NOS1: variants seen among roughly 807,000 people sequenced by gnomAD.
NOS1 encodes the protein NOS type I.
NOS1 carries 51 observed loss-of-function variants against 164.5 expected under a neutral mutation model. The ratio of observed to expected loss-of-function variants is 0.31; its 90% confidence interval spans 0.25 to 0.39. The LOEUF (loss-of-function observed/expected upper bound fraction) is 0.39, where lower values mean the gene tolerates loss of function less well. Ranked by LOEUF, NOS1 falls within the 10% of genes least tolerant of loss-of-function variation. The pLI is 1.00. For missense variants in NOS1, 1,362 were observed against 1,885.6 expected (o/e 0.72, Z 5.14); for synonymous variants, 719 against 745.8 (o/e 0.96, Z 0.59).
In NOS1 at chr12:117,243,482, T is replaced by C. The variant is rs773729969; in HGVS notation, c.2824-47A>G. The C allele has an allele frequency of 2.5e-6, 4 of 1,604,868 alleles. No homozygotes were observed. In the South Asian group the frequency reaches 4.5e-5, roughly 18 times the overall value. On this transcript the variant is annotated intron_variant, in intron 18 of 28. Coordinates refer to ENST00000317775, the MANE Select transcript of NOS1 (RefSeq NM_000620.5). This position sits in a 1 kb window ranked among gnomAD's most constrained non-coding sequence, Gnocchi z 4.3. Reference sequence around the variant, plus strand: ...CAGTGACCTCTTTCAGCCAAGCGGATCTCCTCTCCAACAGCTCCAAGTCAT... The same window carrying C: ...CAGTGACCTCTTTCAGCCAAGCGGACCTCCTCTCCAACAGCTCCAAGTCAT...
chr12:117,247,383 C>G lies in NOS1; in HGVS notation c.2788G>C (p.Glu930Gln), dbSNP rs1381579506. The G allele has an allele frequency of 1.9e-6, 3 of 1,608,056 alleles. No individual in the cohort carries two copies. The highest frequency in any genetic ancestry group is 2.5e-6 in the Non-Finnish European group (3 of 1,177,676). Residue 930 changes from glutamate (E) to glutamine (Q), a missense_variant, in exon 18 of 29, where the codon GAG (glutamate) becomes CAG (glutamine). Coordinates refer to ENST00000317775, the MANE Select transcript of NOS1 (RefSeq NM_000620.5). The stretch of plus-strand genomic sequence containing the variant: ...TTCTTGGCCCAGGTCCTGAAAGCCT[C>G]TTCCTGCCCACAGAGCTCATCCCCT... ...REGDELCGQE[E>Q]AFRTWAKKVF...
chr12:117,280,931 C>T, intron 7 of NOS1, 65 bp from the exon 8 acceptor site: 1 of 1,563,136 alleles, frequency 6.4e-7, no homozygotes, highest in Admixed American at 1.7e-5. Flanking sequence ...ACATACTAAA[C>T]ATGGCGCCAC....
At chr12:117,279,647 C>T (rs1873469347) in intron 8 of NOS1, among the ~76,000 whole-genome samples, 1 of 152,144 alleles carries the variant, frequency 6.6e-6, no homozygotes, top group Non-Finnish European at 1.5e-5. Context: ...AGAACATGTC[C>T]CGCTCAGCAA....
At position 117,212,475 on chromosome 12, in the gene NOS1, C is replaced by T; in HGVS notation, c.*2834G>A. On this transcript the variant is annotated 3_prime_UTR_variant, in exon 29 of 29. Coordinates refer to ENST00000317775, the MANE Select transcript of NOS1 (RefSeq NM_000620.5). Reference sequence around the variant, plus strand: ...CTCCTCCCAAGGAGTTTAACATCATCTCTCTGCTCTTTCACGACACAAGCT... The same window carrying T: ...CTCCTCCCAAGGAGTTTAACATCATTTCTCTGCTCTTTCACGACACAAGCT... 7.1e-6 allele frequency: 7 copies of T among 985,414 alleles called. No homozygotes were observed. The highest frequency in any genetic ancestry group is 8.4e-6 in the Non-Finnish European group (7 of 829,934). The allele number at this position is 985,414 out of a possible 1,614,324, so 61.0% of individuals were successfully genotyped here.
intron 1 of NOS1, among the ~76,000 whole-genome samples, chr12:117,337,862 T>C: frequency 6.6e-6 from 1 of 152,072 alleles, no homozygotes. Context: ...GCAGATTGCT[T>C]GAGGCCAGGA....
intron 2 of NOS1, among the ~76,000 whole-genome samples, chr12:117,321,895 A>T (rs957349255): frequency 6.6e-6 from 1 of 151,816 alleles, no homozygotes; most frequent in Non-Finnish European, 1.5e-5. Flanking sequence ...ATGGGGGAAC[A>T]GAATCCTTCC....
intron 22 of NOS1, among the ~76,000 whole-genome samples, chr12:117,231,321 GA>G (rs923100361): frequency 1.2e-4 from 17 of 146,784 alleles, no homozygotes; most frequent in South Asian, 8.6e-4. Flanking sequence ...CTGTCTCAGA[GA>G]AAAAAAAAAA....
chr12:117,291,529 C>CTTTTTTTTTTTTTTTTTTTT, intron 3 of NOS1, among the ~76,000 whole-genome samples: 1 of 97,376 alleles, frequency 1.0e-5, no homozygotes, highest in Non-Finnish European at 2.0e-5. Flanking sequence ...TTACATCTGT[C>CTTTTTTTTTTTTTTTTTTTT]TTTTTTTTTT....
At chr12:117,250,306 T>G (rs1173293233) in intron 17 of NOS1, among the ~76,000 whole-genome samples, 1 of 151,710 alleles carries the variant, frequency 6.6e-6, no homozygotes, top group African/African-American at 2.4e-5. Context: ...TATGTGGGAT[T>G]AGATAGCATT....
intron 3 of NOS1, among the ~76,000 whole-genome samples, chr12:117,296,423 G>C (rs7971809): frequency 0.058 from 8,852 of 152,224 alleles, 864 homozygotes; most frequent in African/African-American, 0.2. Flanking sequence ...AATCTAATTA[G>C]CTGCCAGTGC....
chr12:117,212,472 C>A lies in NOS1; in HGVS notation c.*2837G>T, dbSNP rs141850448. ...TCTCTCCTCCCAAGGAGTTTAACAT[C>A]ATCTCTCTGCTCTTTCACGACACAA... On this transcript the variant is annotated 3_prime_UTR_variant, in exon 29 of 29. Transcript: ENST00000317775. The A allele has an allele frequency of 7.8e-5, 77 of 985,412 alleles. No homozygotes were observed. The highest frequency in any genetic ancestry group is 1.0e-3 in the Middle Eastern group (2 of 1,918). 61.0% of individuals were successfully genotyped at this position (985,412 alleles called of 1,614,324 possible). A position where few individuals can be genotyped will look rare whatever the true frequency, so the allele number is the denominator to read the frequency against.
intron 2 of NOS1, among the ~76,000 whole-genome samples, chr12:117,320,735 T>A (rs143782394): frequency 1.1e-3 from 170 of 152,300 alleles, no homozygotes; most frequent in African/African-American, 3.9e-3. Flanking sequence ...CTCCACTCAC[T>A]ATGCTCAAGC....
At chr12:117,307,947 G>A (rs549653791) in intron 3 of NOS1, among the ~76,000 whole-genome samples, 306 of 151,820 alleles carry the variant, frequency 2.0e-3, no homozygotes, top group African/African-American at 7.0e-3. Context: ...CCCAGGAGGC[G>A]GAGGTTGCAG....
At chr12:117,267,051 C>T (rs917362925) in intron 11 of NOS1, among the ~76,000 whole-genome samples, 2 of 152,200 alleles carry the variant, frequency 1.3e-5, no homozygotes, top group African/African-American at 2.4e-5. Flanking sequence ...GACATGGGGA[C>T]CTATGGCTTC....
chr12:117,322,609 T>C (rs1346102146), intron 2 of NOS1, among the ~76,000 whole-genome samples: 2 of 125,592 alleles, frequency 1.6e-5, no homozygotes, highest in Non-Finnish European at 3.4e-5. Flanking sequence ...CTCCTTCCTT[T>C]CTTCCTTCCT....
chr12:117,317,531 G>A (rs939022540), intron 2 of NOS1, among the ~76,000 whole-genome samples: 1 of 151,114 alleles, frequency 6.6e-6, no homozygotes, highest in African/African-American at 2.4e-5. Context: ...CCCCCTGGGA[G>A]GCAAAATTGT....
intron 1 of NOS1, among the ~76,000 whole-genome samples, chr12:117,336,702 C>T (rs959420991): frequency 1.3e-5 from 2 of 152,104 alleles, no homozygotes; most frequent in Non-Finnish European, 2.9e-5. Flanking sequence ...AACATCTCCA[C>T]GATGTTTACT....
intron 1 of NOS1, among the ~76,000 whole-genome samples, chr12:117,337,402 C>T (rs1875886580): frequency 6.6e-6 from 1 of 152,126 alleles, no homozygotes; most frequent in African/African-American, 2.4e-5. Flanking sequence ...AGGCTTGAGC[C>T]ACCGTGCCCG....
chr12:117,301,490 G>A (rs188078189), intron 3 of NOS1, among the ~76,000 whole-genome samples: 1 of 152,292 alleles, frequency 6.6e-6, no homozygotes, highest in East Asian at 1.9e-4. Flanking sequence ...CTAGGCCACT[G>A]CACATCCATG....
Sources: allele counts gnomAD v4.1 joint callset (sites outside exome capture counted in the v4.1 genomes callset), GRCh38; gene constraint gnomAD v4.1.1; non-coding constraint Gnocchi (gnomAD v3.1); transcripts MANE v1.5; gene names NCBI Gene and HGNC (gene_info 2026-07-23, HGNC 2026-07-21).